Variants in NOVA2 observed in about 807,000 individuals in gnomAD.
NOVA2 encodes the protein RNA-binding protein Nova-2.
A neutral mutation model predicts 22.5 loss-of-function variants in NOVA2; 9 were observed. That is an observed-to-expected ratio of 0.40 (90% CI 0.24 to 0.70). The LOEUF (loss-of-function observed/expected upper bound fraction) is 0.70. Ranked by LOEUF, NOVA2 falls within the 30% of genes least tolerant of loss-of-function variation. The pLI is 0.38. For missense variants in NOVA2, 383 were observed against 682.8 expected, an observed-to-expected ratio of 0.56 and a Z score of 4.89; for synonymous variants, 318 against 335.2, an observed-to-expected ratio of 0.95 and a Z score of 0.56.
intron 3 of NOVA2, among the ~76,000 whole-genome samples, 167 bp from the exon 4 acceptor site, chr19:45,941,112 A>C (rs1967750609): frequency 6.6e-6 from 1 of 152,032 alleles, no homozygotes; most frequent in South Asian, 2.1e-4. Flanking sequence ...CAACATGGTG[A>C]AACTCCGTCT....
At chr19:45,958,462 G>A (rs942103327) in intron 2 of NOVA2, among the ~76,000 whole-genome samples, 2 of 151,186 alleles carry the variant, frequency 1.3e-5, no homozygotes, top group African/African-American at 4.9e-5. Context: ...GTGTGTGTAA[G>A]CGTGTGTGTG....
At chr19:45,952,527 G>A (rs1164435295) in intron 3 of NOVA2, among the ~76,000 whole-genome samples, 1 of 152,214 alleles carries the variant, frequency 6.6e-6, no homozygotes, top group Non-Finnish European at 1.5e-5. Context: ...GGATTAGGGG[G>A]AGGGGGTAGA....
chr19:45,958,473 AGT>A lies in NOVA2; in HGVS notation c.229+2535_229+2536del, dbSNP rs964554091. Among the ~76,000 whole-genome samples the A allele has an allele frequency of 4.1e-5, 6 of 146,324 alleles. No homozygotes were observed. The Admixed American group carries it at 4.1e-4, about 10-fold the overall frequency. On this transcript the variant is annotated intron_variant, in intron 2 of 3. Transcript: ENST00000263257. ...CAATGTGTGTGTAAGCGTGTGTGTG[AGT>A]GGGATGTGTGTGAATGAGTGTGAGT... is the stretch of plus-strand genomic sequence containing the variant.
chr19:45,958,672 A>T (rs1052127581), intron 2 of NOVA2, among the ~76,000 whole-genome samples: 1 of 151,474 alleles, frequency 6.6e-6, no homozygotes, highest in African/African-American at 2.4e-5. Flanking sequence ...TGAGAGTGTG[A>T]GTGTGTGTGC....
At chr19:45,958,409 GGT>G (rs750912559) in intron 2 of NOVA2, among the ~76,000 whole-genome samples, 173 of 151,648 alleles carry the variant, frequency 1.1e-3, no homozygotes, top group African/African-American at 3.3e-3. Flanking sequence ...GTGTGAGTGG[GGT>G]GTGTGTGAGT....
At chr19:45,961,193 G>A in intron 1 of NOVA2, 40 bp from the exon 2 acceptor site, 1 of 1,530,460 alleles carries the variant, frequency 6.5e-7, no homozygotes, top group Non-Finnish European at 8.9e-7. Context: ...CAGCGGGGGA[G>A]GGGTCTTCAC....
chr19:45,973,358 G>T lies in NOVA2; in HGVS notation c.-7C>A, dbSNP rs745350202. 3.5e-5 allele frequency: 36 copies of T among 1,028,776 alleles called. No homozygotes were observed. Among genetic ancestry groups the T allele is most frequent in the African/African-American group, 1.4e-4 (8 of 58,912 alleles). 63.7% of individuals were successfully genotyped at this position (1,028,776 alleles called of 1,614,324 possible). On this transcript the variant is annotated 5_prime_UTR_variant, in exon 1 of 4. Transcript: ENST00000263257. ...CCGGGGCCTCGGGCTCCATGGGGGG[G>T]GCCTGGGGCGGCGGCTGCTGCTGCT...
intron 3 of NOVA2, among the ~76,000 whole-genome samples, chr19:45,949,814 C>T (rs1259616580): frequency 1.3e-5 from 2 of 150,076 alleles, no homozygotes; most frequent in African/African-American, 4.9e-5. Context: ...GATCTTGCCT[C>T]ACTGCAACCT....
chr19:45,937,077 C>G lies in NOVA2; in HGVS notation c.*2786G>C, dbSNP rs1286750443. The G allele has an allele frequency of 1.3e-5, 2 of 152,096 alleles. No individual in the cohort carries two copies. Among genetic ancestry groups the G allele is most frequent in the Non-Finnish European group, 2.9e-5 (2 of 68,034 alleles). The allele number at this position is 152,096 out of a possible 1,614,324, so 9.4% of individuals were successfully genotyped here. A position where few individuals can be genotyped will look rare whatever the true frequency, so the allele number is the denominator to read the frequency against. On this transcript the variant is annotated 3_prime_UTR_variant, in exon 4 of 4. Transcript: ENST00000263257. ...GGGAAAGGTGTGGCTCTCTGCTCAC[C>G]AACATGGTGAGTGAACTAGCTCACT...
chr19:45,961,068 C>A lies in NOVA2; in HGVS notation c.171G>T (p.Gln57His). Reference sequence around the variant, plus strand: ...TGGTGGCTCCGGTCTCCTTCTGCAGCTGCACGATGGTCTGCCCGCCCTTGC... The same window carrying A: ...TGGTGGCTCCGGTCTCCTTCTGCAGATGCACGATGGTCTGCCCGCCCTTGC... ...IIGKGGQTIV[Q>H]LQKETGATIK... is the part of the protein sequence containing the mutation. Residue 57 changes from glutamine (Q) to histidine (H), a missense_variant, in exon 2 of 4, where the codon CAG becomes CAT. Gln to His is a conservative substitution (Grantham distance 24, BLOSUM62 0). This residue lies in a region of NOVA2 where 349 missense variants were observed against 578.1 expected (regional missense o/e 0.60). Coordinates refer to ENST00000263257, the MANE Select transcript of NOVA2 (RefSeq NM_002516.4). 1 of 1,583,624 alleles carries A rather than the reference C, an allele frequency of 6.3e-7. No homozygotes were observed. The highest frequency in any genetic ancestry group is 8.6e-7 in the Non-Finnish European group (1 of 1,164,548).
Position 45,935,990 on chromosome 19 carries a change from A to C in NOVA2, c.*3873T>G, listed in dbSNP as rs1367360710. On this transcript the variant is annotated 3_prime_UTR_variant, in exon 4 of 4. Coordinates refer to ENST00000263257, the MANE Select transcript of NOVA2 (RefSeq NM_002516.4). Reference sequence around the variant, plus strand: ...CAGGGTAGGCGTTAGGGCAGATAGAAACGGCAAAATCATTGTCTTCTGATC... The same window carrying C: ...CAGGGTAGGCGTTAGGGCAGATAGACACGGCAAAATCATTGTCTTCTGATC... The C allele has an allele frequency of 1.3e-5, 2 of 152,240 alleles. No individual in the cohort carries two copies. Among genetic ancestry groups the C allele is most frequent in the Non-Finnish European group, 2.9e-5 (2 of 68,074 alleles). 9.4% of individuals were successfully genotyped at this position (152,240 alleles called of 1,614,324 possible).
intron 2 of NOVA2, among the ~76,000 whole-genome samples, chr19:45,954,313 G>GC (rs1020228707): frequency 6.6e-6 from 1 of 152,090 alleles, no homozygotes; most frequent in Admixed American, 6.6e-5. Context: ...CACTCACTCC[G>GC]CCCCCCTCCC....
chr19:45,960,630 G>T (rs1968080667), intron 2 of NOVA2, among the ~76,000 whole-genome samples: 1 of 151,898 alleles, frequency 6.6e-6, no homozygotes, highest in Non-Finnish European at 1.5e-5. Context: ...TTCCAAAGGG[G>T]GGAGCAAGTG....
In NOVA2 at chr19:45,961,107, C is replaced by G; in HGVS notation, c.132G>C (p.Ala44=). The part of the protein sequence containing the change: ...FLKVLIPSYA[A]GSIIGKGGQT... ...GCCCGCCCTTGCCAATGATGGAGCC[C>G]GCCGCGTAGCTGGGGATCAGCACCT... The change falls in exon 2 of 4, where the codon GCG becomes GCC. Residue 44 remains alanine, a synonymous_variant. Transcript: ENST00000263257. 6.3e-7 allele frequency: 1 copy of G among 1,594,894 alleles called. No homozygotes were observed. Among genetic ancestry groups the G allele is most frequent in the Non-Finnish European group, 8.5e-7 (1 of 1,170,852 alleles).
rs1442831697 is a variant in NOVA2, at chr19:45,960,974, G to C, written c.229+36C>G. On this transcript the variant is annotated intron_variant, in intron 2 of 3. Transcript: ENST00000263257. ...TGGGAGGGAGAAAGGGAGGAAGGGC[G>C]GGGGGCCTAGGGCAGAGACCTGGGC... 1.9e-6 allele frequency: 3 copies of C among 1,547,298 alleles called. No individual in the cohort carries two copies. In the African/African-American group the frequency reaches 4.1e-5, roughly 21 times the overall value.
chr19:45,952,671 A>G (rs147734966), intron 3 of NOVA2, among the ~76,000 whole-genome samples: 11 of 152,324 alleles, frequency 7.2e-5, no homozygotes, highest in African/African-American at 2.6e-4. Context: ...TAAACTGTGA[A>G]TAACTTGTGC....
intron 2 of NOVA2, among the ~76,000 whole-genome samples, chr19:45,959,799 G>GGA (rs372547074): frequency 1.4e-5 from 2 of 146,088 alleles, no homozygotes; most frequent in South Asian, 2.2e-4. Context: ...GACGGGGTGG[G>GGA]GAGAGAGAGA....
intron 3 of NOVA2, among the ~76,000 whole-genome samples, chr19:45,946,954 A>G (rs190116005): frequency 6.6e-6 from 1 of 152,078 alleles, no homozygotes; most frequent in Admixed American, 6.5e-5. Context: ...GTGTTCATGC[A>G]TGCACAAATG....
At chr19:45,955,916 G>A (rs769818335) in intron 2 of NOVA2, among the ~76,000 whole-genome samples, 3 of 152,078 alleles carry the variant, frequency 2.0e-5, no homozygotes, top group East Asian at 1.9e-4. Context: ...ACCAGGCACC[G>A]TGTGGCTGTG....
Sources: allele counts gnomAD v4.1 joint callset (sites outside exome capture counted in the v4.1 genomes callset), GRCh38; gene constraint gnomAD v4.1.1; regional missense constraint gnomAD v4.1.1; transcripts MANE v1.5; gene names NCBI Gene and HGNC (gene_info 2026-07-23, HGNC 2026-07-21).